HSPH1: variants seen among roughly 807,000 people sequenced by gnomAD.
HSPH1 encodes the protein heat shock protein family H (Hsp110) member 1, also known as heat shock protein 105 kDa.
A neutral mutation model predicts 100.0 loss-of-function variants in HSPH1; 40 were observed. The ratio of observed to expected loss-of-function variants is 0.40; its 90% confidence interval spans 0.31 to 0.52. The LOEUF (loss-of-function observed/expected upper bound fraction) is 0.52, where lower values mean the gene tolerates loss of function less well. Ranked by LOEUF, HSPH1 falls within the 20% of genes least tolerant of loss-of-function variation. HSPH1 has a pLI of 0.54. For missense variants in HSPH1, 876 were observed against 1,015.1 expected (o/e 0.86, Z 1.86); for synonymous variants, 403 against 344.0 (o/e 1.17, Z -1.90).
intron 2 of HSPH1, among the ~76,000 whole-genome samples, chr13:31,156,303 T>A (rs1956689469): frequency 6.6e-6 from 1 of 151,958 alleles, no homozygotes; most frequent in Non-Finnish European, 1.5e-5. Context: ...GGCAGGAGAA[T>A]GGCATGAACC....
At chr13:31,162,353 G>T, upstream of HSPH1, 1 of 557,364 alleles carries the variant, frequency 1.8e-6, no homozygotes, top group East Asian at 3.0e-5. Flanking sequence ...TGTCCGGAGA[G>T]CATGTTGGGA....
At chr13:31,160,581 A>C (rs952241435) in intron 1 of HSPH1, among the ~76,000 whole-genome samples, 3 of 152,200 alleles carry the variant, frequency 2.0e-5, no homozygotes, top group African/African-American at 7.2e-5. Flanking sequence ...TTCTCGTCCG[A>C]AAATATCCCT....
chr13:31,152,984 G>T, intron 4 of HSPH1, 33 bp from the exon 5 acceptor site: 1 of 1,393,982 alleles, frequency 7.2e-7, no homozygotes, highest in Non-Finnish European at 1.0e-6. Context: ...GAATTATCTA[G>T]AACACAAAAT....
At chr13:31,156,759 G>GCTT (rs1355872726) in intron 2 of HSPH1, among the ~76,000 whole-genome samples, 1 of 152,174 alleles carries the variant, frequency 6.6e-6, no homozygotes, top group Non-Finnish European at 1.5e-5. Context: ...GTTTTCAACT[G>GCTT]CATGTGCGTA....
Position 31,138,802 on chromosome 13 carries a change from T to C in HSPH1, c.2187A>G (p.Ile729Met). Residue 729 changes from isoleucine to methionine, a missense_variant, in exon 16 of 18, where the codon ATA (isoleucine) becomes ATG (methionine). Coordinates refer to ENST00000320027, the MANE Select transcript of HSPH1 (RefSeq NM_006644.4). ...TCACCTTATTTCTGAAGTCAGCTGC[T>C]ATCTTGGCATAATGCTGCAGCCTCT... ...LGQRLQHYAKIAADFRNKDEK... is the reference protein window; with the variant it reads ...LGQRLQHYAKMAADFRNKDEK... The C allele has an allele frequency of 1.2e-6, 2 of 1,608,498 alleles. No individual in the cohort carries two copies. Among genetic ancestry groups the C allele is most frequent in the Non-Finnish European group, 1.7e-6 (2 of 1,178,442 alleles).
intron 14 of HSPH1, 44 bp from the exon 15 acceptor site, chr13:31,139,151 A>T (rs768167626): frequency 8.4e-7 from 1 of 1,195,788 alleles, no homozygotes; most frequent in South Asian, 1.2e-5. Flanking sequence ...CGTACTTCAG[A>T]ATTTTTCACA....
At chr13:31,140,553 T>TA (rs35691238) in intron 13 of HSPH1, 44,799 of 158,728 alleles carry the variant, frequency 0.28, 5,913 homozygotes, top group East Asian at 0.42. Flanking sequence ...TATTTAATGC[T>TA]AAAAAAAAAA....
At chr13:31,153,803 T>C (rs917588884) in intron 4 of HSPH1, among the ~76,000 whole-genome samples, 20 of 149,436 alleles carry the variant, frequency 1.3e-4, no homozygotes, top group East Asian at 7.8e-4. Flanking sequence ...CGTCCATCAG[T>C]TTCTCAGCTC....
intron 17 of HSPH1, 107 bp downstream of exon 17, chr13:31,138,300 G>T: frequency 2.0e-6 from 2 of 1,010,846 alleles, no homozygotes; most frequent in Non-Finnish European, 3.0e-6. Context: ...TTTCAGTTAG[G>T]ATGAGGTAAA....
intron 4 of HSPH1, 91 bp downstream of exon 4, chr13:31,154,542 A>G (rs377243963): frequency 4.7e-5 from 68 of 1,438,256 alleles, no homozygotes; most frequent in African/African-American, 3.6e-4. Flanking sequence ...TCTAGTAACT[A>G]AAGAACAGCT....
At chr13:31,156,373 G>A (rs943245462) in intron 2 of HSPH1, among the ~76,000 whole-genome samples, 17 of 151,276 alleles carry the variant, frequency 1.1e-4, no homozygotes, top group African/African-American at 4.1e-4. Context: ...CTGGGCGACA[G>A]AGCGAGATTC....
rs960737081 is a variant in HSPH1, at chr13:31,135,203, A to T, written c.*2115T>A. The T allele has an allele frequency of 1.3e-5, 2 of 152,204 alleles. No individual in the cohort carries two copies. The highest frequency in any genetic ancestry group is 4.8e-5 in the African/African-American group (2 of 41,438). 9.4% of individuals were successfully genotyped at this position (152,204 alleles called of 1,614,324 possible). A position where few individuals can be genotyped will look rare whatever the true frequency, so the allele number is the denominator to read the frequency against. On this transcript the variant is annotated 3_prime_UTR_variant, in exon 18 of 18. Coordinates refer to ENST00000320027, the MANE Select transcript of HSPH1 (RefSeq NM_006644.4). ...CCGCATCCAAAAGCGCAGTACACTG[A>T]TTTAGGCCAGACTGACTGATGCTCC...
At chr13:31,148,915 A>G (rs1956375461) in intron 8 of HSPH1, among the ~76,000 whole-genome samples, 1 of 152,136 alleles carries the variant, frequency 6.6e-6, no homozygotes, top group African/African-American at 2.4e-5. Flanking sequence ...TAATTTTGTA[A>G]ATGAAGCAAG....
chr13:31,135,740 T>C lies in HSPH1; in HGVS notation c.*1578A>G, dbSNP rs949370325. The C allele has an allele frequency of 6.6e-6, 1 of 152,240 alleles. No homozygotes were observed. The highest frequency in any genetic ancestry group is 2.4e-5 in the African/African-American group (1 of 41,462). The allele number at this position is 152,240 out of a possible 1,614,324, so 9.4% of individuals were successfully genotyped here. On this transcript the variant is annotated 3_prime_UTR_variant, in exon 18 of 18. Coordinates refer to ENST00000320027, the MANE Select transcript of HSPH1 (RefSeq NM_006644.4). ...GAGCTGAGGAAATAAACCTCAGCAGTCAAGTGTTACTAAACCTCATAGTTT... is the reference window on the plus strand; with the variant it reads ...GAGCTGAGGAAATAAACCTCAGCAGCCAAGTGTTACTAAACCTCATAGTTT...
chr13:31,152,800 C>A, intron 5 of HSPH1, 52 bp downstream of exon 5: 1 of 1,198,676 alleles, frequency 8.3e-7, no homozygotes, highest in Non-Finnish European at 1.2e-6. Context: ...GCACTGAGAA[C>A]ATCTTTAGTT....
Position 31,152,932 on chromosome 13 carries a change from T to C in HSPH1, c.449A>G (p.Asp150Gly), listed in dbSNP as rs1389136130. Residue 150 changes from aspartate (D) to glycine (G), a missense_variant, in exon 5 of 18, where the codon GAT becomes GGT. Coordinates refer to ENST00000320027, the MANE Select transcript of HSPH1 (RefSeq NM_006644.4). ...CVISVPSFFT[D>G]AERRSVLDAA... The stretch of plus-strand genomic sequence containing the variant: ...ATCTAACACAGATCGCCTCTCAGCA[T>C]CTGTAAAGAAGGAGGGGACCTACAA... The C allele has an allele frequency of 5.0e-6, 8 of 1,612,086 alleles. No homozygotes were observed. The highest frequency in any genetic ancestry group is 6.8e-6 in the Non-Finnish European group (8 of 1,178,604).
At chr13:31,151,566 A>G in intron 6 of HSPH1, 43 bp downstream of exon 6, 1 of 1,572,894 alleles carries the variant, frequency 6.4e-7, no homozygotes, top group Non-Finnish European at 8.6e-7. Flanking sequence ...AAGTCACAAC[A>G]CTTAACGTGT....
Position 31,148,488 on chromosome 13 carries a change from A to G in HSPH1, c.1138-8T>C. ...CGGGGAAAGTATTGCACACTTAAAA[A>G]AAAAAAAAAAAATCATGAGCACATG... On this transcript the variant is annotated splice_region_variant and splice_polypyrimidine_tract_variant and intron_variant, in intron 8 of 17. Transcript: ENST00000320027. 1 of 1,308,996 alleles carries G rather than the reference A, an allele frequency of 7.6e-7. No individual in the cohort carries two copies. Among genetic ancestry groups the G allele is most frequent in the Non-Finnish European group, 1.0e-6 (1 of 966,586 alleles). 81.1% of individuals were successfully genotyped at this position (1,308,996 alleles called of 1,614,324 possible).
chr13:31,138,309 A>G (rs113958836), intron 17 of HSPH1, 98 bp downstream of exon 17: 1 of 1,144,920 alleles, frequency 8.7e-7, no homozygotes, highest in South Asian at 1.3e-5. Flanking sequence ...GGATGAGGTA[A>G]AAGATTTACA....
Sources: gnomAD v4.1 joint callset for allele counts (sites outside exome capture counted in the v4.1 genomes callset) on GRCh38, gnomAD v4.1.1 for gene constraint, MANE v1.5 for transcripts, NCBI Gene and HGNC (gene_info 2026-07-23, HGNC 2026-07-21) for gene names.